The following FBXL7 variants were observed in gnomAD, a reference collection of about 807,000 sequenced individuals.
FBXL7 encodes F-box and leucine rich repeat protein 7.
FBXL7 carries 12 observed loss-of-function variants against 38.3 expected under a neutral mutation model. That is an observed-to-expected ratio of 0.31 (90% CI 0.20 to 0.51). The LOEUF (loss-of-function observed/expected upper bound fraction) is 0.51. Ranked by LOEUF, FBXL7 falls within the 20% of genes least tolerant of loss-of-function variation. FBXL7 has a pLI of 0.98. For synonymous variants in FBXL7, 297 were observed against 300.9 expected (o/e 0.99, Z 0.13); for missense variants, 567 against 676.4 (o/e 0.84, Z 1.79).
At chr5:15,857,020 A>G (rs1435086059) in intron 2 of FBXL7, among the ~76,000 whole-genome samples, 1 of 152,188 alleles carries the variant, frequency 6.6e-6, no homozygotes, top group African/African-American at 2.4e-5. Context: ...AAAAGTATGA[A>G]CCCATTACAT....
chr5:15,873,440 CA>C (rs758691960), intron 2 of FBXL7, among the ~76,000 whole-genome samples: 1 of 151,736 alleles, frequency 6.6e-6, no homozygotes, highest in East Asian at 1.9e-4. Flanking sequence ...GATAGAGACA[CA>C]AAAAAACCCT....
chr5:15,754,574 C>T (rs75933684), intron 2 of FBXL7, among the ~76,000 whole-genome samples: 3,464 of 152,162 alleles, frequency 0.023, 89 homozygotes, highest in East Asian at 0.067. Flanking sequence ...AGTTAGACAC[C>T]GGGCAACCAA....
intron 2 of FBXL7, among the ~76,000 whole-genome samples, chr5:15,732,772 GA>G (rs1735625614): frequency 6.6e-6 from 1 of 152,158 alleles, no homozygotes; most frequent in Non-Finnish European, 1.5e-5. Context: ...TCAACTTGCT[GA>G]AGTCAGATAT....
intron 2 of FBXL7, among the ~76,000 whole-genome samples, chr5:15,903,859 A>G (rs541416616): frequency 1.2e-4 from 18 of 152,332 alleles, no homozygotes; most frequent in East Asian, 3.9e-4. Context: ...TTATCTTTCT[A>G]TCTTCTGCCC....
At chr5:15,793,252 T>C (rs1006786285) in intron 2 of FBXL7, among the ~76,000 whole-genome samples, 1 of 152,212 alleles carries the variant, frequency 6.6e-6, no homozygotes, top group Non-Finnish European at 1.5e-5. Context: ...GTTTATTCTT[T>C]CATGGTTCTG....
At chr5:15,526,498 A>G (rs1199986868) in intron 1 of FBXL7, among the ~76,000 whole-genome samples, 2 of 152,182 alleles carry the variant, frequency 1.3e-5, no homozygotes, top group East Asian at 1.9e-4. Flanking sequence ...CCTGGGAGCA[A>G]TGATGAAGAA....
At position 15,803,280 on chromosome 5, in the gene FBXL7, T is replaced by C. The variant is rs187256781; in HGVS notation, c.128-124610T>C. Among the ~76,000 whole-genome samples the C allele has an allele frequency of 5.3e-3, 807 of 152,262 alleles. 8 individuals are homozygous for C. Among genetic ancestry groups the C allele is most frequent in the African/African-American group, 0.018 (767 of 41,534 alleles). ...AATGAGTTTGAGTCATTGTTCGGTATCACCCATAATCAACCTTAGTTTACC... is the reference window on the plus strand; with the variant it reads ...AATGAGTTTGAGTCATTGTTCGGTACCACCCATAATCAACCTTAGTTTACC... On this transcript the variant is annotated intron_variant, in intron 2 of 3. Transcript: ENST00000504595.
chr5:15,917,698 A>G (rs199498274), intron 2 of FBXL7, among the ~76,000 whole-genome samples: 2,811 of 112,270 alleles, frequency 0.025, 92 homozygotes, highest in African/African-American at 0.076. Flanking sequence ...AGGAAGGAAG[A>G]AAGAAAGGAA....
At chr5:15,678,518 A>G (rs1579371339) in intron 2 of FBXL7, among the ~76,000 whole-genome samples, 1 of 152,324 alleles carries the variant, frequency 6.6e-6, no homozygotes, top group East Asian at 1.9e-4. Context: ...TGTTGTCTTG[A>G]GAGAAATCAA....
chr5:15,508,305 A>C (rs777259548), intron 1 of FBXL7, among the ~76,000 whole-genome samples: 8 of 152,230 alleles, frequency 5.3e-5, no homozygotes, highest in Non-Finnish European at 1.0e-4. Context: ...GGGCTTTTGC[A>C]CTATGGTAAA....
intron 2 of FBXL7, among the ~76,000 whole-genome samples, chr5:15,774,554 G>A (rs775498704): frequency 5.3e-5 from 8 of 152,100 alleles, no homozygotes; most frequent in Non-Finnish European, 1.2e-4. Context: ...CTTTGAGAGT[G>A]GCATATTCCC....
At chr5:15,934,705 A>G (rs935408940) in intron 3 of FBXL7, among the ~76,000 whole-genome samples, 1 of 152,208 alleles carries the variant, frequency 6.6e-6, no homozygotes, top group African/African-American at 2.4e-5. Context: ...CAATGTAGGT[A>G]TACTTCAGCC....
At chr5:15,881,517 C>T (rs1035873743) in intron 2 of FBXL7, among the ~76,000 whole-genome samples, 2 of 152,136 alleles carry the variant, frequency 1.3e-5, no homozygotes, top group African/African-American at 4.8e-5. Context: ...CATATCATGA[C>T]TTCTTTTCCA....
chr5:15,645,424 G>A (rs2126562405), intron 2 of FBXL7, among the ~76,000 whole-genome samples: 1 of 152,228 alleles, frequency 6.6e-6, no homozygotes, highest in South Asian at 2.1e-4. Context: ...TGACCTGGAA[G>A]CCTCTTCCCT....
At chr5:15,917,652 A>G (rs1443447916) in intron 2 of FBXL7, among the ~76,000 whole-genome samples, 1 of 56,032 alleles carries the variant, frequency 1.8e-5, no homozygotes, top group African/African-American at 8.4e-5. Context: ...GAGGGAAGGA[A>G]GGAAGGAAGG....
intron 2 of FBXL7, among the ~76,000 whole-genome samples, chr5:15,744,890 GC>G (rs1735975800): frequency 6.6e-6 from 1 of 152,050 alleles, no homozygotes; most frequent in Non-Finnish European, 1.5e-5. Context: ...AAAGGGGAAA[GC>G]CCCTTATAAA....
At chr5:15,749,767 T>A (rs1736109436) in intron 2 of FBXL7, among the ~76,000 whole-genome samples, 1 of 152,232 alleles carries the variant, frequency 6.6e-6, no homozygotes, top group Admixed American at 6.5e-5. Context: ...CTGAGTGCCC[T>A]GTGGCTTGAC....
At chr5:15,511,550 T>A (rs931637952) in intron 1 of FBXL7, among the ~76,000 whole-genome samples, 1 of 152,226 alleles carries the variant, frequency 6.6e-6, no homozygotes, top group East Asian at 1.9e-4. Flanking sequence ...CAGCAGATGC[T>A]ATGGGGAATT....
chr5:15,627,590 T>A (rs1740860780), intron 2 of FBXL7, among the ~76,000 whole-genome samples: 1 of 152,224 alleles, frequency 6.6e-6, no homozygotes, highest in Admixed American at 6.5e-5. Context: ...AGGGTTTCAA[T>A]GGAGCCCATA....
Sources: allele counts gnomAD v4.1 joint callset (sites outside exome capture counted in the v4.1 genomes callset), GRCh38; gene constraint gnomAD v4.1.1; transcripts MANE v1.5; gene names NCBI Gene and HGNC (gene_info 2026-07-23, HGNC 2026-07-21).